Variants in SUPT3H observed in about 807,000 individuals in gnomAD.
SUPT3H encodes the protein SPT3 homolog, SAGA and STAGA complex component.
In SUPT3H, 44 loss-of-function variants were observed where a neutral mutation model predicts 44.3. The ratio of observed to expected loss-of-function variants is 0.99; its 90% CI spans 0.78 to 1.28. The LOEUF (loss-of-function observed/expected upper bound fraction) is 1.28. Ranked by LOEUF, SUPT3H falls within the 50% of genes most tolerant of loss-of-function variation. The pLI, the probability that SUPT3H is intolerant of heterozygous loss-of-function variation, is 0.00. For missense variants in SUPT3H, 380 were observed against 387.1 expected (o/e 0.98, Z 0.15); for synonymous variants, 124 against 125.6 (o/e 0.99, Z 0.09).
At chr6:45,028,457 T>C (rs1004162056) in intron 3 of SUPT3H, among the ~76,000 whole-genome samples, 1 of 138,894 alleles carries the variant, frequency 7.2e-6, no homozygotes, top group Non-Finnish European at 1.7e-5. Flanking sequence ...CAGATTTTTT[T>C]TTTTTTGACA....
At chr6:45,103,436 T>C (rs1798860409) in intron 3 of SUPT3H, among the ~76,000 whole-genome samples, 1 of 152,126 alleles carries the variant, frequency 6.6e-6, no homozygotes, top group Non-Finnish European at 1.5e-5. Context: ...AATATAAAAG[T>C]ATGTATCCAT....
chr6:45,053,779 G>A (rs1442704656), intron 3 of SUPT3H, among the ~76,000 whole-genome samples: 2 of 149,984 alleles, frequency 1.3e-5, no homozygotes, highest in Non-Finnish European at 3.0e-5. Context: ...GCCGGGCGTG[G>A]TGATGGGCGC....
intron 2 of SUPT3H, chr6:45,197,770 T>G (rs1183533795): frequency 5.8e-6 from 1 of 173,088 alleles, no homozygotes; most frequent in East Asian, 1.9e-4. Flanking sequence ...TTTTACCCCA[T>G]GTCTTTTAAT....
chr6:45,259,246 A>T (rs1158534004), intron 2 of SUPT3H, among the ~76,000 whole-genome samples: 1 of 152,098 alleles, frequency 6.6e-6, no homozygotes, highest in Non-Finnish European at 1.5e-5. Flanking sequence ...CATTTTTAAA[A>T]AATTCTTTTC....
At chr6:45,277,669 G>A (rs1477375794) in intron 2 of SUPT3H, among the ~76,000 whole-genome samples, 2 of 152,182 alleles carry the variant, frequency 1.3e-5, no homozygotes, top group East Asian at 3.9e-4. Context: ...CATATTCTCT[G>A]TGTCAGGATT....
intron 4 of SUPT3H, among the ~76,000 whole-genome samples, chr6:45,019,827 C>G (rs1338299080): frequency 6.6e-6 from 1 of 151,864 alleles, no homozygotes; most frequent in Non-Finnish European, 1.5e-5. Flanking sequence ...TATAGATACC[C>G]TATACCAAAT....
Position 45,344,116 on chromosome 6 carries a change from G to A in SUPT3H, c.101+21085C>T, listed in dbSNP as rs533363422. On this transcript the variant is annotated intron_variant, in intron 2 of 10. Transcript: ENST00000371459. ...GCAATTCAAATTCCTTTTATTCGGA[G>A]AGATAAAAGTTGATATGAAGTGGAT... Among the ~76,000 whole-genome samples the A allele has an allele frequency of 1.6e-4, 25 of 152,262 alleles. No individual in the cohort carries two copies. In the South Asian group the frequency reaches 5.0e-3, roughly 30 times the overall value.
intron 10 of SUPT3H, among the ~76,000 whole-genome samples, chr6:44,858,116 C>G (rs1277172988): frequency 2.0e-5 from 3 of 152,132 alleles, no homozygotes; most frequent in Non-Finnish European, 4.4e-5. Context: ...ACCTGCTAGC[C>G]CTACAGTAGC....
At chr6:44,971,057 C>A (rs1777504015) in intron 6 of SUPT3H, among the ~76,000 whole-genome samples, 1 of 152,164 alleles carries the variant, frequency 6.6e-6, no homozygotes, top group Non-Finnish European at 1.5e-5. Flanking sequence ...CTGTAAAGAA[C>A]AAAGGAGCCC....
intron 2 of SUPT3H, among the ~76,000 whole-genome samples, chr6:45,210,449 G>C (rs1263195006): frequency 6.6e-6 from 1 of 152,100 alleles, no homozygotes; most frequent in African/African-American, 2.4e-5. Context: ...TTCAGTAAAA[G>C]GCTAAGAGGC....
chr6:45,021,736 T>G (rs1284463417), intron 3 of SUPT3H, among the ~76,000 whole-genome samples: 1 of 152,062 alleles, frequency 6.6e-6, no homozygotes, highest in Non-Finnish European at 1.5e-5. Flanking sequence ...AAAGAAATTC[T>G]GCTTGAATGT....
chr6:44,828,021 G>T lies in SUPT3H; in HGVS notation c.*1795C>A, dbSNP rs995345917. 2.7e-4 allele frequency among the ~76,000 whole-genome samples: 41 copies of T among 152,000 alleles called. No homozygotes were observed. Among genetic ancestry groups the T allele is most frequent in the Middle Eastern group, 3.4e-3 (1 of 294 alleles). On this transcript the variant is annotated 3_prime_UTR_variant, in exon 11 of 11. Transcript: ENST00000371459. Reference sequence around the variant, plus strand: ...ATAAGGAGATCAGGTGGAATAAAACGAAGGAAAAAAACCCAAACCCTATAT... The same window carrying T: ...ATAAGGAGATCAGGTGGAATAAAACTAAGGAAAAAAACCCAAACCCTATAT...
At chr6:45,316,032 G>A (rs1439357218) in intron 2 of SUPT3H, among the ~76,000 whole-genome samples, 3 of 152,124 alleles carry the variant, frequency 2.0e-5, no homozygotes, top group African/African-American at 7.2e-5. Flanking sequence ...CAATGACCTG[G>A]ATGAGATTAG....
At chr6:45,121,202 C>T (rs139626553) in intron 2 of SUPT3H, among the ~76,000 whole-genome samples, 179 of 152,200 alleles carry the variant, frequency 1.2e-3, no homozygotes, top group African/African-American at 4.0e-3. Flanking sequence ...TTTCCATAAC[C>T]TCTAGATCCT....
rs527326049 is a variant in SUPT3H at position 44,957,544 on chromosome 6, C to T, written c.581-2937G>A. 3.2e-4 allele frequency among the ~76,000 whole-genome samples: 48 copies of T among 152,038 alleles called. No individual in the cohort carries two copies. In the Middle Eastern group the frequency reaches 0.01, roughly 32 times the overall value. On this transcript the variant is annotated intron_variant, in intron 7 of 10. Coordinates refer to ENST00000371459, the MANE Select transcript of SUPT3H (RefSeq NM_003599.4). The stretch of plus-strand genomic sequence containing the variant: ...TTATCTCCTTGACAGATCTTTAGGA[C>T]AGAAACAGATATTTTGTGACTGTGC...
intron 3 of SUPT3H, among the ~76,000 whole-genome samples, chr6:45,090,545 T>A (rs544486952): frequency 1.3e-5 from 2 of 152,004 alleles, no homozygotes; most frequent in Non-Finnish European, 2.9e-5. Context: ...TTATCCACCA[T>A]GATAGAAAAT....
intron 2 of SUPT3H, among the ~76,000 whole-genome samples, chr6:45,334,143 T>G (rs1562970582): frequency 6.6e-6 from 1 of 151,164 alleles, no homozygotes; most frequent in Admixed American, 6.6e-5. Context: ...TACATCAGAT[T>G]AGTGACATTT....
intron 3 of SUPT3H, among the ~76,000 whole-genome samples, chr6:45,026,212 T>C (rs781535755): frequency 2.0e-5 from 3 of 152,168 alleles, no homozygotes; most frequent in Non-Finnish European, 4.4e-5. Flanking sequence ...CAACCATATT[T>C]GCTAGCCAGA....
At chr6:45,052,224 C>A (rs555143148) in intron 3 of SUPT3H, among the ~76,000 whole-genome samples, 1 of 152,194 alleles carries the variant, frequency 6.6e-6, no homozygotes, top group South Asian at 2.1e-4. Context: ...GGATAATTAA[C>A]TGGTGGAAAG....
Sources: gnomAD v4.1 joint callset for allele counts (sites outside exome capture counted in the v4.1 genomes callset) on GRCh38, gnomAD v4.1.1 for gene constraint, MANE v1.5 for transcripts, NCBI Gene and HGNC (gene_info 2026-07-23, HGNC 2026-07-21) for gene names.